Variants in PKHD1L1 observed in about 807,000 individuals in gnomAD.
PKHD1L1 encodes the protein fibrocystin-L.
Under a neutral mutation model 462.9 loss-of-function variants are expected in PKHD1L1, and 434 were observed. The observed-to-expected ratio is 0.94, with a 90% CI of 0.87 to 1.02. PKHD1L1 has a LOEUF of 1.02. PKHD1L1 is among the 50% of genes least tolerant of loss of function. The pLI is 0.00. For synonymous variants in PKHD1L1, 1,781 were observed against 1,750.0 expected, an observed-to-expected ratio of 1.02 and a Z score of -0.44; for missense variants, 5,202 against 5,096.1, an observed-to-expected ratio of 1.02 and a Z score of -0.63.
chr8:109,363,928 G>A (rs1371456399), intron 1 of PKHD1L1, among the ~76,000 whole-genome samples: 1 of 152,106 alleles, frequency 6.6e-6, no homozygotes, highest in Non-Finnish European at 1.5e-5. Flanking sequence ...TGGAAAGTTA[G>A]GACTGTTACA....
chr8:109,414,985 T>C (rs1027328972), intron 21 of PKHD1L1, among the ~76,000 whole-genome samples: 6 of 147,092 alleles, frequency 4.1e-5, no homozygotes, highest in East Asian at 2.0e-4. Flanking sequence ...TTATTATTAT[T>C]ATTATTATTA....
chr8:109,503,484 A>G (rs922485962), intron 67 of PKHD1L1, among the ~76,000 whole-genome samples: 3 of 152,184 alleles, frequency 2.0e-5, no homozygotes, highest in Non-Finnish European at 4.4e-5. Flanking sequence ...ATTCCTGTAT[A>G]TAGACTCTTC....
Position 109,523,370 on chromosome 8 carries a change from T to C in PKHD1L1, c.12468T>C (p.Leu4156=), listed in dbSNP as rs199744580. The change falls in exon 76 of 78, where the codon CTT becomes CTC. Residue 4156 remains leucine (L), a synonymous_variant. Transcript: ENST00000378402. ...GCTGTTGGGCCAACTACACAGACCTTACTCCCCTTAGAACAGGTGGGTGCA... is the reference window on the plus strand; with the variant it reads ...GCTGTTGGGCCAACTACACAGACCTCACTCCCCTTAGAACAGGTGGGTGCA... ...FSSCWANYTD[L]TPLRTGKNYK... is the part of the protein sequence containing the mutation. 128 of 1,613,070 alleles carry C rather than the reference T, an allele frequency of 7.9e-5. No homozygotes were observed. The African/African-American group carries it at 1.4e-3, about 18-fold the overall frequency.
chr8:109,514,832 T>C (rs2131003210), intron 71 of PKHD1L1, among the ~76,000 whole-genome samples: 1 of 152,234 alleles, frequency 6.6e-6, no homozygotes, highest in East Asian at 1.9e-4. Context: ...ATACAGAGTA[T>C]AGCTAAGTCC....
chr8:109,386,490 A>G (rs1383076584), intron 6 of PKHD1L1, among the ~76,000 whole-genome samples: 1 of 152,216 alleles, frequency 6.6e-6, no homozygotes, highest in East Asian at 1.9e-4. Context: ...ACACACATAC[A>G]AATACATAAT....
At chr8:109,508,349 C>T in intron 70 of PKHD1L1, 85 bp downstream of exon 70, 1 of 1,356,230 alleles carries the variant, frequency 7.4e-7, no homozygotes, top group South Asian at 1.4e-5. Flanking sequence ...AATTATTTAC[C>T]CCACACAACT....
intron 27 of PKHD1L1, 128 bp from the exon 28 acceptor site, chr8:109,432,978 C>T (rs1245094761): frequency 9.1e-6 from 6 of 659,284 alleles, no homozygotes; most frequent in African/African-American, 7.4e-5. Context: ...TCTCCCTGCT[C>T]TCCTGTTAGG....
chr8:109,451,651 G>A (rs137934275), intron 41 of PKHD1L1, among the ~76,000 whole-genome samples: 1 of 152,208 alleles, frequency 6.6e-6, no homozygotes, highest in Admixed American at 6.5e-5. Context: ...ATTCAGGTGC[G>A]GAAGGCTGAA....
rs769562186 is a variant in PKHD1L1, at chr8:109,389,065, T to C, written c.624-14T>C. On this transcript the variant is annotated splice_polypyrimidine_tract_variant and intron_variant, in intron 7 of 77. Coordinates refer to ENST00000378402, the MANE Select transcript of PKHD1L1 (RefSeq NM_177531.6). ...TGTCTATATAAGCTTTGACATTAAC[T>C]TTTTTTTAATTAGATATGGTCTAAA... 8.4e-6 allele frequency: 13 copies of C among 1,549,816 alleles called. No individual in the cohort carries two copies. In the African/African-American group the frequency reaches 1.5e-4, roughly 18 times the overall value.
intron 50 of PKHD1L1, chr8:109,470,539 G>T: frequency 1.2e-6 from 2 of 1,610,236 alleles, no homozygotes; most frequent in South Asian, 2.2e-5. Context: ...ATTTGATTTT[G>T]ATTCCTTTAT....
At chr8:109,377,072 C>T (rs565172602) in intron 2 of PKHD1L1, among the ~76,000 whole-genome samples, 7 of 152,146 alleles carry the variant, frequency 4.6e-5, no homozygotes, top group Non-Finnish European at 8.8e-5. Flanking sequence ...TGTGGAACAC[C>T]GAAAATGCGT....
At chr8:109,470,359 T>A (rs1336886739) in intron 50 of PKHD1L1, 1 of 1,552,342 alleles carries the variant, frequency 6.4e-7, no homozygotes, top group African/African-American at 1.4e-5. Flanking sequence ...TAACCATTAC[T>A]ATGAACCCAA....
At position 109,532,202 on chromosome 8, in the gene PKHD1L1, T is replaced by C. The variant is rs1440640943; in HGVS notation, c.*2112T>C. ...AGGAAATTTTCTAATACAAGTTATA[T>C]GGCAGTAAAAGGAATTTCTAAAAAT... On this transcript the variant is annotated 3_prime_UTR_variant, in exon 78 of 78. Transcript: ENST00000378402. Among the ~76,000 whole-genome samples the C allele has an allele frequency of 6.6e-6, 1 of 150,750 alleles. No individual in the cohort carries two copies. Among genetic ancestry groups the C allele is most frequent in the African/African-American group, 2.4e-5 (1 of 40,988 alleles).
At position 109,498,498 on chromosome 8, in the gene PKHD1L1, T is replaced by C. The variant is rs749966337; in HGVS notation, c.10636T>C (p.Cys3546Arg). Residue 3546 changes from cysteine to arginine, a missense_variant, in exon 66 of 78, where the codon TGC (cysteine) becomes CGC (arginine). Physicochemically the swap from Cys to Arg is radical, Grantham distance 180. Transcript: ENST00000378402. ...TGTTGGAAGTAGCCCTGGGTTTAAT[T>C]GCTCTGATGTCCTAACTAATGATGA... ...LIVGSSPGFN[C>R]SDVLTNDDPN... 2 of 1,613,402 alleles carry C rather than the reference T, an allele frequency of 1.2e-6. No homozygotes were observed. The highest frequency in any genetic ancestry group is 1.7e-6 in the Non-Finnish European group (2 of 1,179,462).
intron 29 of PKHD1L1, 94 bp downstream of exon 29, chr8:109,435,448 A>G: frequency 7.5e-7 from 1 of 1,326,248 alleles, no homozygotes; most frequent in Non-Finnish European, 1.0e-6. Flanking sequence ...AGAGGATCCC[A>G]AAGCTTCCTC....
chr8:109,411,820 G>A (rs1813871013), intron 19 of PKHD1L1, among the ~76,000 whole-genome samples: 1 of 152,092 alleles, frequency 6.6e-6, no homozygotes, highest in African/African-American at 2.4e-5. Flanking sequence ...GCTTTTATGT[G>A]AGTTAGATGC....
Position 109,451,073 on chromosome 8 carries a change from C to G in PKHD1L1, c.6274C>G (p.Leu2092Val). Residue 2092 changes from leucine (L) to valine (V), a missense_variant, in exon 41 of 78, where the codon CTC becomes GTC. Coordinates refer to ENST00000378402, the MANE Select transcript of PKHD1L1 (RefSeq NM_177531.6). ...PFTYAVSLTP[L>V]ITAVSPKRGS... The stretch of plus-strand genomic sequence containing the variant: ...TACGTACGCAGTGTCACTGACTCCA[C>G]TCATCACTGCAGTATCTCCTAAGAG... 1 of 1,613,736 alleles carries G rather than the reference C, an allele frequency of 6.2e-7. No homozygotes were observed. Among genetic ancestry groups the G allele is most frequent in the Non-Finnish European group, 8.5e-7 (1 of 1,179,716 alleles).
chr8:109,404,950 T>C (rs750419776), intron 15 of PKHD1L1, 45 bp from the exon 16 acceptor site: 1 of 1,265,618 alleles, frequency 7.9e-7, no homozygotes. Flanking sequence ...TTTTAAGATA[T>C]ATATATTTTT....
chr8:109,477,220 T>C lies in PKHD1L1; in HGVS notation c.8918-5T>C. 6.2e-7 allele frequency: 1 copy of C among 1,612,980 alleles called. No individual in the cohort carries two copies. The highest frequency in any genetic ancestry group is 8.5e-7 in the Non-Finnish European group (1 of 1,179,480). ...TCATTTAACCCACTTTTACTTCACT[T>C]TCAGTGTCAGGAAGAAATGACCTTC... On this transcript the variant is annotated splice_region_variant and splice_polypyrimidine_tract_variant and intron_variant, in intron 52 of 77. Transcript: ENST00000378402.
Sources: gnomAD v4.1 joint callset for allele counts (sites outside exome capture counted in the v4.1 genomes callset) on GRCh38, gnomAD v4.1.1 for gene constraint, MANE v1.5 for transcripts, NCBI Gene and HGNC (gene_info 2026-07-23, HGNC 2026-07-21) for gene names.